The following SYT9 variants were observed in gnomAD, a reference collection of about 807,000 sequenced individuals.
The protein encoded by SYT9 is synaptotagmin 9.
Under a neutral mutation model 48.4 loss-of-function variants are expected in SYT9, and 22 were observed. The observed-to-expected ratio is 0.45, with a 90% CI of 0.32 to 0.65. The LOEUF (loss-of-function observed/expected upper bound fraction) is 0.65, where lower values mean the gene tolerates loss of function less well. Ranked by LOEUF, SYT9 falls within the 30% of genes least tolerant of loss-of-function variation. The probability of loss-of-function intolerance (pLI) is 0.03; values close to 1 mark genes in which losing one functional copy is unlikely to be tolerated. For synonymous variants in SYT9, 265 were observed against 245.0 expected, an observed-to-expected ratio of 1.08 and a Z score of -0.76; for missense variants, 577 against 622.0, an observed-to-expected ratio of 0.93 and a Z score of 0.77.
intron 1 of SYT9, among the ~76,000 whole-genome samples, chr11:7,275,288 C>T (rs1417737249): frequency 6.6e-6 from 1 of 152,136 alleles, no homozygotes; most frequent in African/African-American, 2.4e-5. Context: ...TAGATTTCCT[C>T]CCCCACCTTC....
At position 7,313,437 on chromosome 11, in the gene SYT9, C is replaced by T. The variant is rs559563933; in HGVS notation, c.540C>T (p.Asp180=). The T allele has an allele frequency of 6.2e-7, 1 of 1,613,490 alleles. No homozygotes were observed. Among genetic ancestry groups the T allele is most frequent in the South Asian group, 1.1e-5 (1 of 90,836 alleles). The change falls in exon 3 of 7, where the codon GAC becomes GAT. Residue 180 remains aspartate (D), a synonymous_variant. Transcript: ENST00000318881. ...GACAACTCAACTTGTCAAACCCGGA[C>T]TTCAATATCCAGCAGCTTCAAAAAC... ...IRRQLNLSNP[D]FNIQQLQKQE... is the part of the protein sequence containing the mutation.
At chr11:7,280,824 A>G (rs1305581741) in intron 1 of SYT9, among the ~76,000 whole-genome samples, 1 of 152,232 alleles carries the variant, frequency 6.6e-6, no homozygotes, top group Non-Finnish European at 1.5e-5. Flanking sequence ...TAGAGATGTA[A>G]GTAACACTGA....
intron 1 of SYT9, among the ~76,000 whole-genome samples, chr11:7,245,081 G>A (rs1847777386): frequency 6.6e-6 from 1 of 152,176 alleles, no homozygotes; most frequent in South Asian, 2.1e-4. Flanking sequence ...TTTGTGTTCT[G>A]GACGTGACTT....
intron 3 of SYT9, among the ~76,000 whole-genome samples, chr11:7,368,059 C>T (rs749599703): frequency 2.6e-5 from 4 of 152,134 alleles, no homozygotes; most frequent in Admixed American, 1.3e-4. Context: ...TGCAATCTAA[C>T]CTAGGTAGTC....
intron 6 of SYT9, among the ~76,000 whole-genome samples, chr11:7,460,025 C>A (rs899799833): frequency 1.3e-5 from 2 of 152,292 alleles, no homozygotes; most frequent in Admixed American, 6.5e-5. Context: ...AACTAACACA[C>A]TTGACGAAGC....
At chr11:7,254,464 C>T (rs1487860) in intron 1 of SYT9, among the ~76,000 whole-genome samples, 74,843 of 152,108 alleles carry the variant, frequency 0.49, 18,868 homozygotes, top group Middle Eastern at 0.55. Context: ...TTAATTCTTA[C>T]ATCAGATGCA....
At chr11:7,340,723 G>C (rs141525907) in intron 3 of SYT9, among the ~76,000 whole-genome samples, 15 of 152,216 alleles carry the variant, frequency 9.9e-5, no homozygotes, top group Non-Finnish European at 1.8e-4. Flanking sequence ...AAGGGTGATG[G>C]CTGCAAGACA....
chr11:7,303,952 G>A (rs1241634507), intron 2 of SYT9, among the ~76,000 whole-genome samples: 1 of 152,192 alleles, frequency 6.6e-6, no homozygotes, highest in Non-Finnish European at 1.5e-5. Context: ...GGCTTACAGA[G>A]TACCGATACC....
chr11:7,365,862 C>T (rs1409009771), intron 3 of SYT9, among the ~76,000 whole-genome samples: 1 of 152,200 alleles, frequency 6.6e-6, no homozygotes, highest in Non-Finnish European at 1.5e-5. Context: ...CCCTTCCAAT[C>T]CTGCTCTAGC....
At chr11:7,285,797 A>C (rs1848585274) in intron 1 of SYT9, among the ~76,000 whole-genome samples, 1 of 152,176 alleles carries the variant, frequency 6.6e-6, no homozygotes, top group African/African-American at 2.4e-5. Flanking sequence ...GGCCAAAACA[A>C]AGGGGCTACA....
exon 1 of SYT9, chr11:7,238,871 CT>C (rs1847711988): frequency 2.2e-6 from 1 of 455,904 alleles, no homozygotes; most frequent in Non-Finnish European, 4.4e-6. Flanking sequence ...AGAACAAATG[CT>C]GGCGAAGGTG....
chr11:7,350,104 A>G (rs1849883745), intron 3 of SYT9, among the ~76,000 whole-genome samples: 1 of 152,238 alleles, frequency 6.6e-6, no homozygotes, highest in Non-Finnish European at 1.5e-5. Flanking sequence ...CAGAGGCTGA[A>G]TAAGGATCAG....
chr11:7,252,515 G>A lies in SYT9; in HGVS notation c.145+184G>A, dbSNP rs1253688125. On this transcript the variant is annotated intron_variant, in intron 1 of 6. Coordinates refer to ENST00000318881, the MANE Select transcript of SYT9 (RefSeq NM_175733.4). This position sits in a 1 kb window ranked among gnomAD's most constrained non-coding sequence, Gnocchi z 6.3. ...ATGCTGTAACCAGGCGGGGACCCGG[G>A]CGGTGGCTACTGCACGGAGGCCGAC... Among the ~76,000 whole-genome samples, 1 of 152,118 alleles carries A rather than the reference G, an allele frequency of 6.6e-6. No homozygotes were observed. Among genetic ancestry groups the A allele is most frequent in the African/African-American group, 2.4e-5 (1 of 41,428 alleles).
At chr11:7,289,590 T>C (rs985350918) in intron 1 of SYT9, among the ~76,000 whole-genome samples, 1 of 152,254 alleles carries the variant, frequency 6.6e-6, no homozygotes, top group Non-Finnish European at 1.5e-5. Context: ...TGCCTGCTCA[T>C]AGCTATAGCT....
At chr11:7,453,590 C>T (rs139939331) in intron 6 of SYT9, among the ~76,000 whole-genome samples, 7 of 152,170 alleles carry the variant, frequency 4.6e-5, no homozygotes, top group South Asian at 2.1e-4. Flanking sequence ...ACAAGCTGGA[C>T]GATGCAAATA....
chr11:7,252,482 G>A lies in SYT9; in HGVS notation c.145+151G>A. 1 of 877,380 alleles carries A rather than the reference G, an allele frequency of 1.1e-6. No individual in the cohort carries two copies. 54.3% of individuals were successfully genotyped at this position (877,380 alleles called of 1,614,324 possible). A position where few individuals can be genotyped will look rare whatever the true frequency, so the allele number is the denominator to read the frequency against. On this transcript the variant is annotated intron_variant, in intron 1 of 6. Transcript: ENST00000318881. This position sits in a 1 kb window ranked among gnomAD's most constrained non-coding sequence, Gnocchi z 6.3. Reference sequence around the variant, plus strand: ...GAGAGTGATCAAGAACCAGCGCACTGTGGCCTGATGCTGTAACCAGGCGGG... The same window carrying A: ...GAGAGTGATCAAGAACCAGCGCACTATGGCCTGATGCTGTAACCAGGCGGG...
chr11:7,257,095 A>T (rs1847985806), intron 1 of SYT9, among the ~76,000 whole-genome samples: 1 of 152,202 alleles, frequency 6.6e-6, no homozygotes, highest in African/African-American at 2.4e-5. Flanking sequence ...CAGTATTTTT[A>T]AAGTTCATCT....
In SYT9 at chr11:7,313,631, T is replaced by C; in HGVS notation, c.734T>C (p.Val245Ala). The C allele has an allele frequency of 6.2e-7, 1 of 1,614,192 alleles. No individual in the cohort carries two copies. Among genetic ancestry groups the C allele is most frequent in the Non-Finnish European group, 8.5e-7 (1 of 1,180,022 alleles). ...CTCATAGTGAAGATTCACAAAGCTGTCAATTTGCCCGCCAAGGACTTTTCT... is the reference window on the plus strand; with the variant it reads ...CTCATAGTGAAGATTCACAAAGCTGCCAATTTGCCCGCCAAGGACTTTTCT... ...EQLIVKIHKA[V>A]NLPAKDFSGT... The change falls in exon 3 of 7, where the codon GTC (valine) becomes GCC (alanine). Residue 245 changes from valine (V) to alanine (A), a missense_variant. Transcript: ENST00000318881.
intron 3 of SYT9, among the ~76,000 whole-genome samples, chr11:7,408,041 T>C (rs1484772457): frequency 6.6e-6 from 1 of 152,232 alleles, no homozygotes; most frequent in African/African-American, 2.4e-5. Flanking sequence ...CATTGTAGGA[T>C]TGTTTTATTA....
Sources: gnomAD v4.1 joint callset for allele counts (sites outside exome capture counted in the v4.1 genomes callset) on GRCh38, gnomAD v4.1.1 for gene constraint, Gnocchi (gnomAD v3.1) non-coding constraint, MANE v1.5 for transcripts, NCBI Gene and HGNC (gene_info 2026-07-23, HGNC 2026-07-21) for gene names.